CHN2: variants seen among roughly 807,000 people sequenced by gnomAD.
The protein encoded by CHN2 is beta-chimaerin.
In CHN2, 35 loss-of-function variants were observed where a neutral mutation model predicts 56.3. The observed-to-expected ratio is 0.62, with a 90% CI of 0.47 to 0.82. The LOEUF (loss-of-function observed/expected upper bound fraction) is 0.82, where lower values mean the gene tolerates loss of function less well. CHN2 is among the 40% of genes least tolerant of loss of function. The pLI is 0.00. For synonymous variants in CHN2, 210 were observed against 212.8 expected (o/e 0.99, Z 0.12); for missense variants, 491 against 580.5 (o/e 0.85, Z 1.58).
chr7:29,397,415 T>A (rs915321627), intron 4 of CHN2: 27 of 152,222 alleles, frequency 1.8e-4, no homozygotes, highest in African/African-American at 6.5e-4. Context: ...GAAAATTTAT[T>A]CTCTGATTTA....
intron 1 of CHN2, among the ~76,000 whole-genome samples, chr7:29,203,571 A>G (rs766229592): frequency 1.3e-4 from 20 of 151,960 alleles, no homozygotes; most frequent in Admixed American, 2.0e-4. Context: ...GGTAACTACT[A>G]GAATATTTGA....
chr7:29,374,854 TC>T (rs1799918755), intron 3 of CHN2, among the ~76,000 whole-genome samples: 2 of 150,350 alleles, frequency 1.3e-5, no homozygotes, highest in Non-Finnish European at 3.0e-5. Context: ...CCTTCCTGCC[TC>T]CCTCCCTCCC....
chr7:29,384,539 T>G lies in CHN2; in HGVS notation c.145-9140T>G, dbSNP rs540074427. ...CCTGGCCCTCCCCTTAGTGGAGTTC[T>G]GGGTCAAGGTCAATAGGACTGAACT... On this transcript the variant is annotated intron_variant, in intron 3 of 12. Coordinates refer to ENST00000222792, the MANE Select transcript of CHN2 (RefSeq NM_004067.4). Among the ~76,000 whole-genome samples the G allele has an allele frequency of 7.2e-5, 11 of 152,320 alleles. No homozygotes were observed. In the East Asian group the frequency reaches 1.7e-3, roughly 24 times the overall value.
At chr7:29,401,063 T>TAG (rs1802163729) in intron 6 of CHN2, 3 of 512,736 alleles carry the variant, frequency 5.9e-6, no homozygotes, top group African/African-American at 1.9e-5. Flanking sequence ...GGTCAGGAGA[T>TAG]AGAGACCATC....
chr7:29,265,372 C>T (rs1049930886), intron 1 of CHN2, among the ~76,000 whole-genome samples: 13 of 152,230 alleles, frequency 8.5e-5, no homozygotes, highest in Admixed American at 7.9e-4. Flanking sequence ...TCCACTCGCT[C>T]TGCTAGACTT....
intron 11 of CHN2, among the ~76,000 whole-genome samples, chr7:29,508,867 T>C (rs1790934375): frequency 6.6e-6 from 1 of 152,176 alleles, no homozygotes; most frequent in Non-Finnish European, 1.5e-5. Flanking sequence ...ATGTATTAGG[T>C]TGTAGAAGTC....
chr7:29,490,167 A>G (rs1788503183), intron 7 of CHN2, among the ~76,000 whole-genome samples: 1 of 150,000 alleles, frequency 6.7e-6, no homozygotes, highest in Non-Finnish European at 1.5e-5. Context: ...TTCAAAACCT[A>G]AGCCCACCTT....
chr7:29,391,111 T>C (rs117821790), intron 3 of CHN2, among the ~76,000 whole-genome samples: 2,163 of 152,244 alleles, frequency 0.014, 12 homozygotes, highest in Non-Finnish European at 0.023. Context: ...ATATTTTCTT[T>C]ACGAGCTTCA....
intron 7 of CHN2, among the ~76,000 whole-genome samples, chr7:29,493,168 ATACT>A (rs1355873381): frequency 1.3e-5 from 2 of 152,124 alleles, no homozygotes; most frequent in Non-Finnish European, 2.9e-5. Context: ...AGGTACATAA[ATACT>A]TACTGTTATG....
intron 6 of CHN2, among the ~76,000 whole-genome samples, chr7:29,407,670 G>C (rs2214501): frequency 0.57 from 87,309 of 151,984 alleles, 25,961 homozygotes; most frequent in African/African-American, 0.74. Flanking sequence ...CAGCCGACTT[G>C]CTGCCCTTGC....
chr7:29,149,085 AC>A (rs1004115677), intron 2 of CHN2, among the ~76,000 whole-genome samples: 1 of 151,852 alleles, frequency 6.6e-6, no homozygotes, highest in Non-Finnish European at 1.5e-5. Flanking sequence ...GTTAACTAAT[AC>A]TGAGGTTAGA....
intron 6 of CHN2, among the ~76,000 whole-genome samples, chr7:29,465,942 G>A (rs751409715): frequency 9.2e-5 from 14 of 152,178 alleles, no homozygotes; most frequent in Admixed American, 3.3e-4. Context: ...AGTGGCTCAC[G>A]CCTGTGATCC....
At chr7:29,233,176 C>G (rs1786855328) in intron 1 of CHN2, among the ~76,000 whole-genome samples, 2 of 152,204 alleles carry the variant, frequency 1.3e-5, no homozygotes, top group South Asian at 4.1e-4. Context: ...GCAGGAAACA[C>G]AGGTTCTTTG....
intron 2 of CHN2, among the ~76,000 whole-genome samples, chr7:29,154,996 G>T (rs1057242196): frequency 6.6e-6 from 1 of 152,178 alleles, no homozygotes; most frequent in Non-Finnish European, 1.5e-5. Context: ...ATGGTGGCAG[G>T]CAAAGAGAAG....
intron 2 of CHN2, among the ~76,000 whole-genome samples, chr7:29,365,096 G>T (rs1799041848): frequency 6.6e-6 from 1 of 152,134 alleles, no homozygotes; most frequent in South Asian, 2.1e-4. Flanking sequence ...CATTACAGGG[G>T]CATGGTATCC....
intron 3 of CHN2, among the ~76,000 whole-genome samples, chr7:29,383,693 G>A (rs1800701537): frequency 6.6e-6 from 1 of 152,202 alleles, no homozygotes; most frequent in Non-Finnish European, 1.5e-5. Context: ...AGAAAAGAAG[G>A]ATGGAGTATG....
At position 29,512,497 on chromosome 7, in the gene CHN2, A is replaced by C. The variant is rs1583466620; in HGVS notation, c.1236-67A>C. ...AGAGATGTTATCGGGACTTACATAC[A>C]TAATCAATACATAAAATCAATCCTC... On this transcript the variant is annotated intron_variant, in intron 12 of 12. Coordinates refer to ENST00000222792, the MANE Select transcript of CHN2 (RefSeq NM_004067.4). 7 of 1,401,894 alleles carry C rather than the reference A, an allele frequency of 5.0e-6. No homozygotes were observed. The East Asian group carries it at 1.6e-4, about 33-fold the overall frequency. 86.8% of individuals were successfully genotyped at this position (1,401,894 alleles called of 1,614,324 possible).
At chr7:29,441,670 C>T (rs1783659664) in intron 6 of CHN2, among the ~76,000 whole-genome samples, 1 of 152,128 alleles carries the variant, frequency 6.6e-6, no homozygotes. Flanking sequence ...CCAATAAGCA[C>T]ATGAAAACAT....
intron 6 of CHN2, among the ~76,000 whole-genome samples, chr7:29,402,320 A>G (rs955950488): frequency 1.3e-5 from 2 of 152,130 alleles, no homozygotes; most frequent in African/African-American, 4.8e-5. Context: ...ATAATTTGCC[A>G]TTTTCTTTTT....
Sources: allele counts gnomAD v4.1 joint callset (sites outside exome capture counted in the v4.1 genomes callset), GRCh38; gene constraint gnomAD v4.1.1; transcripts MANE v1.5; gene names NCBI Gene and HGNC (gene_info 2026-07-23, HGNC 2026-07-21).